Variants in SH3RF3 observed in about 807,000 individuals in gnomAD.
The protein encoded by SH3RF3 is E3 ubiquitin-protein ligase SH3RF3.
In SH3RF3, 29 loss-of-function variants were observed where a neutral mutation model predicts 66.3. The observed-to-expected ratio is 0.44, with a 90% confidence interval of 0.33 to 0.60. The LOEUF (loss-of-function observed/expected upper bound fraction) is 0.60. Ranked by LOEUF, SH3RF3 falls within the 20% of genes least tolerant of loss-of-function variation. SH3RF3 has a pLI of 0.04. For missense variants in SH3RF3, 1,194 were observed against 1,190.9 expected (o/e 1.00, Z -0.04); for synonymous variants, 583 against 532.0 (o/e 1.10, Z -1.32).
At chr2:109,223,435 T>A (rs1324080375) in intron 1 of SH3RF3, among the ~76,000 whole-genome samples, 1 of 152,196 alleles carries the variant, frequency 6.6e-6, no homozygotes, top group African/African-American at 2.4e-5. Flanking sequence ...CTTTGATTCC[T>A]CGGTTATTTC....
intron 1 of SH3RF3, among the ~76,000 whole-genome samples, chr2:109,271,071 G>C (rs953580718): frequency 1.3e-5 from 2 of 152,232 alleles, no homozygotes; most frequent in African/African-American, 4.8e-5. Flanking sequence ...GGCGGAGTCA[G>C]TGTTGATCCA....
intron 8 of SH3RF3, among the ~76,000 whole-genome samples, chr2:109,478,583 A>G (rs1388126203): frequency 1.3e-5 from 2 of 152,154 alleles, no homozygotes; most frequent in Non-Finnish European, 2.9e-5. Flanking sequence ...TATCCCTACA[A>G]TTATACATGC....
At chr2:109,196,555 C>T (rs540383828) in intron 1 of SH3RF3, among the ~76,000 whole-genome samples, 21 of 152,274 alleles carry the variant, frequency 1.4e-4, no homozygotes, top group East Asian at 5.8e-4. Context: ...GTGGGTTTGT[C>T]GTCCTGCAAG....
intron 9 of SH3RF3, among the ~76,000 whole-genome samples, chr2:109,492,077 T>G (rs1679143638): frequency 6.6e-6 from 1 of 152,184 alleles, no homozygotes; most frequent in Non-Finnish European, 1.5e-5. Flanking sequence ...GTGTCTGTGG[T>G]GACCACGTCC....
At chr2:109,336,443 G>A (rs908682286) in intron 1 of SH3RF3, among the ~76,000 whole-genome samples, 2 of 152,218 alleles carry the variant, frequency 1.3e-5, no homozygotes, top group African/African-American at 2.4e-5. Context: ...CCACCAATAA[G>A]TTTCTCCCTT....
intron 1 of SH3RF3, among the ~76,000 whole-genome samples, chr2:109,203,392 GT>G (rs1285299519): frequency 1.3e-5 from 2 of 152,198 alleles, no homozygotes; most frequent in Non-Finnish European, 2.9e-5. Context: ...TTGGGAGGGT[GT>G]TTCCGCGTCC....
intron 8 of SH3RF3, among the ~76,000 whole-genome samples, chr2:109,459,957 C>T (rs1419845500): frequency 6.6e-6 from 1 of 152,186 alleles, no homozygotes; most frequent in Non-Finnish European, 1.5e-5. Flanking sequence ...GCATACCCAG[C>T]CTTCTGGAGA....
intron 1 of SH3RF3, among the ~76,000 whole-genome samples, chr2:109,278,394 C>G (rs959532305): frequency 6.6e-6 from 1 of 152,110 alleles, no homozygotes; most frequent in Non-Finnish European, 1.5e-5. Context: ...GATGACACTT[C>G]TGAAGGAATG....
Position 109,130,027 on chromosome 2 carries a change from TC to T in SH3RF3, c.491del (p.Pro164ArgfsTer106). On this transcript the variant is annotated frameshift_variant, in exon 1 of 10. Transcript: ENST00000309415. LOFTEE classifies it high-confidence loss of function. ...CGGCGCGGCAGGCAGCACCCCGGGT[TC>T]CCCGGTTTTCCTCTCCGCGGCCGCG... ...GGGAAGSTPG[S>X]PVFLSAAAGS... The T allele has an allele frequency of 2.3e-6, 3 of 1,333,060 alleles. No homozygotes were observed. Among genetic ancestry groups the T allele is most frequent in the Non-Finnish European group, 2.9e-6 (3 of 1,045,514 alleles). 82.6% of individuals were successfully genotyped at this position (1,333,060 alleles called of 1,614,324 possible).
At chr2:109,233,927 A>G (rs1401956372) in intron 1 of SH3RF3, among the ~76,000 whole-genome samples, 3 of 152,256 alleles carry the variant, frequency 2.0e-5, no homozygotes, top group Admixed American at 1.3e-4. Context: ...ATATGGAGGT[A>G]CCACAGTTTG....
intron 1 of SH3RF3, among the ~76,000 whole-genome samples, chr2:109,246,587 C>T (rs150784280): frequency 0.017 from 2,586 of 151,880 alleles, 65 homozygotes; most frequent in Non-Finnish European, 0.019. Context: ...GATGTTTCAC[C>T]ACTGTAGTAC....
chr2:109,498,497 A>G (rs942599198), intron 9 of SH3RF3, among the ~76,000 whole-genome samples: 11 of 152,190 alleles, frequency 7.2e-5, no homozygotes, highest in African/African-American at 2.7e-4. Flanking sequence ...CCCCAAAGCC[A>G]TGGCTTCTGC....
intron 1 of SH3RF3, among the ~76,000 whole-genome samples, chr2:109,341,285 A>G (rs1005210149): frequency 1.3e-5 from 2 of 152,260 alleles, no homozygotes; most frequent in Non-Finnish European, 2.9e-5. Context: ...TGATAACAGT[A>G]ACAAACTTCT....
intron 8 of SH3RF3, among the ~76,000 whole-genome samples, chr2:109,474,924 A>G (rs1678640423): frequency 6.6e-6 from 1 of 152,206 alleles, no homozygotes. Context: ...AGACATTAAA[A>G]TAGCACCTTT....
chr2:109,151,543 C>A (rs1677225504), intron 1 of SH3RF3, among the ~76,000 whole-genome samples: 1 of 152,228 alleles, frequency 6.6e-6, no homozygotes, highest in African/African-American at 2.4e-5. Context: ...ATATATTTAA[C>A]CCACTGTATC....
intron 1 of SH3RF3, among the ~76,000 whole-genome samples, chr2:109,173,935 C>T (rs939020049): frequency 3.3e-5 from 5 of 152,236 alleles, no homozygotes; most frequent in African/African-American, 1.2e-4. Context: ...TTCTTATGCC[C>T]TTTAAAGCAG....
chr2:109,409,493 A>T (rs182587866), intron 4 of SH3RF3, among the ~76,000 whole-genome samples: 34 of 152,310 alleles, frequency 2.2e-4, no homozygotes, highest in African/African-American at 7.9e-4. Flanking sequence ...TGAGAATTAA[A>T]TATCCAGCAG....
intron 1 of SH3RF3, among the ~76,000 whole-genome samples, chr2:109,213,726 C>T (rs1005926380): frequency 6.6e-6 from 1 of 152,166 alleles, no homozygotes; most frequent in African/African-American, 2.4e-5. Context: ...TATCCTTTAC[C>T]TTGAGTGGGG....
intron 1 of SH3RF3, among the ~76,000 whole-genome samples, chr2:109,140,066 G>A (rs189016472): frequency 3.0e-4 from 46 of 152,330 alleles, no homozygotes; most frequent in Non-Finnish European, 1.5e-5. Flanking sequence ...GGGGTGAAGA[G>A]GACAGGTCTG....
Sources: gnomAD v4.1 joint callset for allele counts (sites outside exome capture counted in the v4.1 genomes callset) on GRCh38, gnomAD v4.1.1 for gene constraint, MANE v1.5 for transcripts, NCBI Gene and HGNC (gene_info 2026-07-23, HGNC 2026-07-21) for gene names.